SLC12A1: variants seen among roughly 807,000 people sequenced by gnomAD.
SLC12A1 encodes solute carrier family 12 member 1, also known as Na-K-2Cl cotransporter.
A neutral mutation model predicts 130.4 loss-of-function variants in SLC12A1; 89 were observed. That is an observed-to-expected ratio of 0.68 (90% CI 0.58 to 0.81). The LOEUF (loss-of-function observed/expected upper bound fraction) is 0.81. SLC12A1 is among the 40% of genes least tolerant of loss of function. SLC12A1 has a pLI of 0.00. For missense variants in SLC12A1, 1,310 were observed against 1,336.4 expected (o/e 0.98, Z 0.31); for synonymous variants, 499 against 460.0 (o/e 1.08, Z -1.09).
At chr15:48,258,360 CAAAAA>C (rs35613910) in intron 16 of SLC12A1, among the ~76,000 whole-genome samples, 4 of 30,248 alleles carry the variant, frequency 1.3e-4, no homozygotes, top group East Asian at 4.6e-3. Context: ...GACTCCGTCT[CAAAAA>C]AAAAAAAAAA....
At chr15:48,250,429 T>G (rs868400980) in intron 14 of SLC12A1, among the ~76,000 whole-genome samples, 1 of 152,216 alleles carries the variant, frequency 6.6e-6, no homozygotes, top group Non-Finnish European at 1.5e-5. Flanking sequence ...GGCAGACCAA[T>G]CTTAATCTAA....
intron 15 of SLC12A1, among the ~76,000 whole-genome samples, chr15:48,252,246 T>C (rs1332456241): frequency 7.9e-5 from 12 of 152,198 alleles, no homozygotes; most frequent in Admixed American, 7.9e-4. Flanking sequence ...GTTAACCTTG[T>C]TGAGCACCTA....
intron 20 of SLC12A1, among the ~76,000 whole-genome samples, chr15:48,277,294 G>T (rs140704270): frequency 0.012 from 1,817 of 151,724 alleles, 27 homozygotes; most frequent in Non-Finnish European, 0.02. Context: ...GGAAGAGTTG[G>T]CCTGAAACAT....
intron 24 of SLC12A1, among the ~76,000 whole-genome samples, chr15:48,295,822 A>G (rs1171289630): frequency 6.6e-6 from 1 of 152,144 alleles, no homozygotes; most frequent in Non-Finnish European, 1.5e-5. Flanking sequence ...CTCCTACCAT[A>G]GTGATGCCAT....
chr15:48,272,963 C>G (rs1482355850), intron 19 of SLC12A1, among the ~76,000 whole-genome samples: 1 of 151,868 alleles, frequency 6.6e-6, no homozygotes, highest in African/African-American at 2.4e-5. Context: ...CAAAAATTAG[C>G]CTGGCGTGGT....
At chr15:48,242,142 A>G (rs1381763727) in intron 10 of SLC12A1, among the ~76,000 whole-genome samples, 1 of 152,206 alleles carries the variant, frequency 6.6e-6, no homozygotes, top group Non-Finnish European at 1.5e-5. Context: ...CAGCCCCTAC[A>G]TTGTTCAGTG....
chr15:48,283,012 G>A (rs1376833980), intron 20 of SLC12A1, among the ~76,000 whole-genome samples: 2 of 152,120 alleles, frequency 1.3e-5, no homozygotes, highest in Non-Finnish European at 1.5e-5. Flanking sequence ...TCTCAGAGTT[G>A]TTTAGAAAGG....
intron 2 of SLC12A1, 74 bp downstream of exon 2, chr15:48,208,213 C>T (rs1354053547): frequency 2.9e-6 from 4 of 1,370,830 alleles, no homozygotes; most frequent in Non-Finnish European, 4.0e-6. Context: ...TTTCATTACA[C>T]TATGAATGAA....
intron 7 of SLC12A1, among the ~76,000 whole-genome samples, chr15:48,230,904 C>G (rs117223885): frequency 6.6e-6 from 1 of 152,222 alleles, no homozygotes; most frequent in African/African-American, 2.4e-5. Context: ...CAAAAACTAT[C>G]ATTCTCATCT....
Position 48,258,088 on chromosome 15 carries a change from G to A in SLC12A1, c.2043-1112G>A, listed in dbSNP as rs549169618. 1.1e-4 allele frequency among the ~76,000 whole-genome samples: 8 copies of A among 70,604 alleles called. 1 individual carries two copies. In the South Asian group the frequency reaches 1.5e-3, roughly 13 times the overall value. The allele number at this position is 70,604 out of a possible 152,430, so 46.3% of individuals were successfully genotyped here. A position where few individuals can be genotyped will look rare whatever the true frequency, so the allele number is the denominator to read the frequency against. On this transcript the variant is annotated intron_variant, in intron 16 of 26. Transcript: ENST00000380993. The stretch of plus-strand genomic sequence containing the variant: ...GCAAGAGTGACCTTTACGGCCGGGC[G>A]CGGTGGCTCACGCCTGTAATCCCAG...
At chr15:48,215,080 C>T (rs1343409591) in intron 2 of SLC12A1, among the ~76,000 whole-genome samples, 1 of 151,228 alleles carries the variant, frequency 6.6e-6, no homozygotes, top group East Asian at 1.9e-4. Flanking sequence ...TGATGATAGA[C>T]ATAAAGATGT....
At chr15:48,252,908 G>A (rs1193667524) in intron 15 of SLC12A1, among the ~76,000 whole-genome samples, 1 of 152,120 alleles carries the variant, frequency 6.6e-6, no homozygotes, top group Non-Finnish European at 1.5e-5. Context: ...GAGTTGGTGG[G>A]GGCCAGATAA....
Position 48,241,600 on chromosome 15 carries a change from GT to G in SLC12A1, c.1300+2del. Reference sequence around the variant, plus strand: ...TACTTAGGGGTTGCAATTTGTGTAGGTAAGTGGTACGTCTCCAGTGTCAGAA... The same window carrying G: ...TACTTAGGGGTTGCAATTTGTGTAGGAAGTGGTACGTCTCCAGTGTCAGAA... On this transcript the variant is annotated splice_donor_variant, in intron 10 of 26. Coordinates refer to ENST00000380993, the MANE Select transcript of SLC12A1 (RefSeq NM_000338.3). LOFTEE classifies it high-confidence loss of function. 1 of 1,609,694 alleles carries G rather than the reference GT, an allele frequency of 6.2e-7. No individual in the cohort carries two copies. The highest frequency in any genetic ancestry group is 8.5e-7 in the Non-Finnish European group (1 of 1,176,020).
intron 20 of SLC12A1, among the ~76,000 whole-genome samples, chr15:48,281,544 A>G (rs1226152610): frequency 6.6e-6 from 1 of 152,204 alleles, no homozygotes; most frequent in African/African-American, 2.4e-5. Context: ...ATATCACTGA[A>G]GGAGAAGAGA....
chr15:48,232,885 C>T lies in SLC12A1; in HGVS notation c.1087+47C>T. On this transcript the variant is annotated intron_variant, in intron 8 of 26. Coordinates refer to ENST00000380993, the MANE Select transcript of SLC12A1 (RefSeq NM_000338.3). ...CTTTTCATTAAATACTTCTCCATTG[C>T]CCTCCTCATCACCATCCCCATCAAC... is the stretch of plus-strand genomic sequence containing the variant. 2.7e-6 allele frequency: 3 copies of T among 1,113,882 alleles called. No individual in the cohort carries two copies. In the East Asian group the frequency reaches 7.1e-5, roughly 26 times the overall value. 69.0% of individuals were successfully genotyped at this position (1,113,882 alleles called of 1,614,324 possible). A position where few individuals can be genotyped will look rare whatever the true frequency, so the allele number is the denominator to read the frequency against.
intron 2 of SLC12A1, among the ~76,000 whole-genome samples, chr15:48,215,207 A>G (rs1377900459): frequency 2.0e-5 from 3 of 152,150 alleles, no homozygotes; most frequent in African/African-American, 7.2e-5. Context: ...ATCACATTAC[A>G]TATTAAATAA....
rs1404230344 is a variant in SLC12A1, at chr15:48,240,056, T to TCC, written c.1216-1459_1216-1458insCC. On this transcript the variant is annotated intron_variant, in intron 9 of 26. Coordinates refer to ENST00000380993, the MANE Select transcript of SLC12A1 (RefSeq NM_000338.3). ...ATATATATATATATATATCCATATA[T>TCC]ATATATATATATATCCATATATATA... Among the ~76,000 whole-genome samples the TCC allele has an allele frequency of 3.5e-4, 36 of 103,210 alleles. 4 individuals carry two copies. Among genetic ancestry groups the TCC allele is most frequent in the African/African-American group, 9.5e-4 (19 of 19,918 alleles). The allele number at this position is 103,210 out of a possible 152,430, so 67.7% of individuals were successfully genotyped here. A position where few individuals can be genotyped will look rare whatever the true frequency, so the allele number is the denominator to read the frequency against.
intron 11 of SLC12A1, among the ~76,000 whole-genome samples, chr15:48,245,596 G>A (rs766163582): frequency 6.6e-6 from 1 of 152,150 alleles, no homozygotes; most frequent in Admixed American, 6.5e-5. Flanking sequence ...CAAAGGACAC[G>A]ATTTTATTCT....
Position 48,302,833 on chromosome 15 carries a change from C to G in SLC12A1, c.3248C>G (p.Pro1083Arg), listed in dbSNP as rs1566863357. Reference sequence around the variant, plus strand: ...GAAATCCTCACAAAGAACCTCCCACCTGTCTTACTAGTTAGAGGAAATCAC... The same window carrying G: ...GAAATCCTCACAAAGAACCTCCCACGTGTCTTACTAGTTAGAGGAAATCAC... ...WLEILTKNLP[P>R]VLLVRGNHKN... Residue 1083 changes from proline to arginine, a missense_variant, in exon 27 of 27, where the codon CCT becomes CGT. Coordinates refer to ENST00000380993, the MANE Select transcript of SLC12A1 (RefSeq NM_000338.3). 3 of 1,612,650 alleles carry G rather than the reference C, an allele frequency of 1.9e-6. No homozygotes were observed.
Sources: allele counts gnomAD v4.1 joint callset (sites outside exome capture counted in the v4.1 genomes callset), GRCh38; gene constraint gnomAD v4.1.1; transcripts MANE v1.5; gene names NCBI Gene and HGNC (gene_info 2026-07-23, HGNC 2026-07-21).